ZNF398: variants seen among roughly 807,000 people sequenced by gnomAD.
ZNF398 encodes the protein zinc finger protein 398, also known as zinc finger DNA binding protein ZER6.
ZNF398 carries 18 observed loss-of-function variants against 41.9 expected under a neutral mutation model. That is an observed-to-expected ratio of 0.43 (90% CI 0.30 to 0.64). The LOEUF (loss-of-function observed/expected upper bound fraction) is 0.64. Ranked by LOEUF, ZNF398 falls within the 30% of genes least tolerant of loss-of-function variation. The probability of loss-of-function intolerance (pLI) is 0.14; values close to 1 mark genes in which losing one functional copy is unlikely to be tolerated. For synonymous variants in ZNF398, 260 were observed against 308.8 expected, an observed-to-expected ratio of 0.84 and a Z score of 1.66; for missense variants, 669 against 822.8, an observed-to-expected ratio of 0.81 and a Z score of 2.29.
intron 2 of ZNF398, among the ~76,000 whole-genome samples, chr7:149,141,860 A>G (rs541658850): frequency 1.1e-4 from 16 of 152,276 alleles, no homozygotes; most frequent in African/African-American, 3.8e-4. Context: ...AAATGCTGGG[A>G]TTACAGGCGT....
chr7:149,157,965 G>C (rs1442745702), intron 2 of ZNF398, among the ~76,000 whole-genome samples: 1 of 151,304 alleles, frequency 6.6e-6, no homozygotes, highest in Non-Finnish European at 1.5e-5. Flanking sequence ...GTCCCTGCCT[G>C]TAGCTACTCG....
chr7:149,146,946 T>TG (rs1466477589), upstream of ZNF398, among the ~76,000 whole-genome samples: 1 of 152,024 alleles, frequency 6.6e-6, no homozygotes, highest in African/African-American at 2.4e-5. Flanking sequence ...ATATTATTGA[T>TG]CCCAACACAG....
intron 4 of ZNF398, among the ~76,000 whole-genome samples, chr7:149,169,089 A>G (rs1180748309): frequency 6.6e-6 from 1 of 152,166 alleles, no homozygotes; most frequent in Non-Finnish European, 1.5e-5. Context: ...ATTTTATGGG[A>G]TGGGTGAAAA....
intron 2 of ZNF398, among the ~76,000 whole-genome samples, chr7:149,164,491 T>C (rs983001770): frequency 5.9e-5 from 9 of 151,856 alleles, no homozygotes; most frequent in Non-Finnish European, 1.2e-4. Context: ...TCAAGCATAC[T>C]AGAAATAACA....
At chr7:149,128,924 C>G (rs1170817032) in exon 2 of ZNF398, 4 of 151,706 alleles carry the variant, frequency 2.6e-5, no homozygotes, top group Non-Finnish European at 5.9e-5. Flanking sequence ...GCCTCAGCCT[C>G]CCAAGTAGTT....
At chr7:149,136,097 C>A (rs1826707015) in intron 2 of ZNF398, among the ~76,000 whole-genome samples, 1 of 151,378 alleles carries the variant, frequency 6.6e-6, no homozygotes, top group South Asian at 2.1e-4. Flanking sequence ...TGGTTTTGTT[C>A]TAGAAATTTC....
chr7:149,168,052 A>G (rs1026614889), intron 4 of ZNF398, among the ~76,000 whole-genome samples: 2 of 152,156 alleles, frequency 1.3e-5, no homozygotes, highest in Admixed American at 6.5e-5. Context: ...CTATCACTGC[A>G]TCACTCCATC....
intron 4 of ZNF398, among the ~76,000 whole-genome samples, chr7:149,170,765 A>G (rs929037334): frequency 3.9e-5 from 6 of 152,030 alleles, no homozygotes; most frequent in African/African-American, 9.7e-5. Context: ...GTACATCTCT[A>G]TAGGGCACTT....
At chr7:149,161,728 G>C (rs1398587913) in intron 2 of ZNF398, among the ~76,000 whole-genome samples, 1 of 151,344 alleles carries the variant, frequency 6.6e-6, no homozygotes, top group Non-Finnish European at 1.5e-5. Flanking sequence ...AAAAACTTCA[G>C]CTCCTGCTTG....
At chr7:149,174,288 A>G (rs1191700844) in intron 4 of ZNF398, among the ~76,000 whole-genome samples, 1 of 152,066 alleles carries the variant, frequency 6.6e-6, no homozygotes, top group African/African-American at 2.4e-5. Context: ...ATACATGAAA[A>G]TTTGTTGTTT....
intron 4 of ZNF398, among the ~76,000 whole-genome samples, chr7:149,171,010 A>ATTTT (rs71192761): frequency 2.2e-5 from 3 of 137,294 alleles, no homozygotes; most frequent in African/African-American, 2.8e-5. Context: ...CGCCCGGCTA[A>ATTTT]TTTTTTTTTT....
At chr7:149,151,363 G>C in intron 1 of ZNF398, 1 of 679,456 alleles carries the variant, frequency 1.5e-6, no homozygotes, top group Non-Finnish European at 2.0e-6. Flanking sequence ...GGAACGGGCA[G>C]ATACCAGGAG....
At chr7:149,139,085 T>G (rs71534757) in intron 2 of ZNF398, among the ~76,000 whole-genome samples, 11,513 of 152,138 alleles carry the variant, frequency 0.076, 440 homozygotes, top group Middle Eastern at 0.092. Flanking sequence ...TAATTTTGGA[T>G]TTTTAGTAGA....
Position 149,179,605 on chromosome 7 carries a change from A to G in ZNF398, c.1733A>G (p.Tyr578Cys). 3.7e-6 allele frequency: 6 copies of G among 1,614,198 alleles called. No homozygotes were observed. The highest frequency in any genetic ancestry group is 5.1e-6 in the Non-Finnish European group (6 of 1,180,018). ...TCCTACTGTGGCAGGAGCTTCCGCT[A>G]CAAACAGACACTCAAGGACCACCTC... is the stretch of plus-strand genomic sequence containing the variant. The part of the protein sequence containing the change: ...PCSYCGRSFR[Y>C]KQTLKDHLRS... Residue 578 changes from tyrosine (Y) to cysteine (C), a missense_variant, in exon 6 of 6, where the codon TAC (tyrosine) becomes TGC (cysteine). Physicochemically the swap from Tyr to Cys is radical, Grantham distance 194 (BLOSUM62 -2). Transcript: ENST00000475153. This position sits in a 1 kb window ranked among gnomAD's most constrained non-coding sequence, Gnocchi z 6.1.
chr7:149,149,144 A>G (rs1827046132), intron 1 of ZNF398, among the ~76,000 whole-genome samples: 2 of 152,092 alleles, frequency 1.3e-5, no homozygotes, highest in South Asian at 4.1e-4. Flanking sequence ...AAAATTTTTG[A>G]GAAGTTAAAA....
At chr7:149,133,673 A>G (rs1313153795) in intron 2 of ZNF398, among the ~76,000 whole-genome samples, 3 of 47,484 alleles carry the variant, frequency 6.3e-5, no homozygotes, top group Non-Finnish European at 1.2e-4. Context: ...ATATATATAT[A>G]TATATACATA....
chr7:149,140,573 G>C (rs1053751701), intron 2 of ZNF398, among the ~76,000 whole-genome samples: 1 of 152,000 alleles, frequency 6.6e-6, no homozygotes, highest in Admixed American at 6.6e-5. Flanking sequence ...TAGTAGAGAC[G>C]GGGTTTCATC....
intron 2 of ZNF398, among the ~76,000 whole-genome samples, chr7:149,135,154 G>A (rs955043811): frequency 6.6e-6 from 1 of 152,088 alleles, no homozygotes; most frequent in African/African-American, 2.4e-5. Flanking sequence ...TATTCTGAAT[G>A]TAAGTCCTTT....
chr7:149,146,242 T>G (rs369624163), upstream of ZNF398, among the ~76,000 whole-genome samples: 5 of 152,062 alleles, frequency 3.3e-5, no homozygotes, highest in South Asian at 8.3e-4. Flanking sequence ...CTCGGCCTGT[T>G]CTCGCAGGTC....
Sources: gnomAD v4.1 joint callset for allele counts (sites outside exome capture counted in the v4.1 genomes callset) on GRCh38, gnomAD v4.1.1 for gene constraint, Gnocchi (gnomAD v3.1) non-coding constraint, MANE v1.5 for transcripts, NCBI Gene and HGNC (gene_info 2026-07-23, HGNC 2026-07-21) for gene names.